ACOXL: variants seen among roughly 807,000 people sequenced by gnomAD.
The protein encoded by ACOXL is acyl-CoA oxidase like, also known as acyl-coenzyme A oxidase-like protein.
Under a neutral mutation model 71.9 loss-of-function variants are expected in ACOXL, and 70 were observed. That is an observed-to-expected ratio of 0.97 (90% CI 0.80 to 1.19). The LOEUF (loss-of-function observed/expected upper bound fraction) is 1.19, where lower values mean the gene tolerates loss of function less well. Among genes scored for constraint, ACOXL ranks in the 50% most tolerant of loss-of-function variants. The probability of loss-of-function intolerance (pLI) is 0.00; values close to 1 mark genes in which losing one functional copy is unlikely to be tolerated. For synonymous variants in ACOXL, 253 were observed against 281.6 expected (o/e 0.90, Z 1.02); for missense variants, 703 against 736.3 (o/e 0.95, Z 0.52).
In ACOXL at chr2:110,925,285, T is replaced by C. The variant is rs191510009; in HGVS notation, c.906-8204T>C. On this transcript the variant is annotated intron_variant, in intron 11 of 17. Transcript: ENST00000439055. ...TGCATTAGCCCCTAACAAGAGATTC[T>C]CTCTGTTCTTTGAAGTTTTGAAGTA... Among the ~76,000 whole-genome samples, 627 of 152,352 alleles carry C rather than the reference T, an allele frequency of 4.1e-3. 3 individuals are homozygous for C. The highest frequency in any genetic ancestry group is 0.01 in the South Asian group (50 of 4,822).
intron 16 of ACOXL, among the ~76,000 whole-genome samples, chr2:111,064,697 G>A (rs1325616022): frequency 6.6e-6 from 1 of 152,146 alleles, no homozygotes; most frequent in Non-Finnish European, 1.5e-5. Flanking sequence ...CGTGGATATG[G>A]AGGACTGACT....
intron 15 of ACOXL, among the ~76,000 whole-genome samples, chr2:111,041,525 G>A (rs896801023): frequency 1.3e-5 from 2 of 152,158 alleles, no homozygotes; most frequent in African/African-American, 4.8e-5. Context: ...GCCGGGCCAT[G>A]GGGAGGCTCA....
intron 17 of ACOXL, among the ~76,000 whole-genome samples, chr2:111,108,197 G>A (rs1049861180): frequency 9.9e-5 from 15 of 152,008 alleles, no homozygotes; most frequent in African/African-American, 3.4e-4. Context: ...GGTGCTGAAA[G>A]TTACCCTTTA....
chr2:111,063,452 G>A (rs973182948), intron 16 of ACOXL, among the ~76,000 whole-genome samples: 3 of 152,054 alleles, frequency 2.0e-5, no homozygotes, highest in Admixed American at 6.5e-5. Context: ...CTCTGAAGAC[G>A]CAAGGCTGGT....
intron 9 of ACOXL, among the ~76,000 whole-genome samples, chr2:110,833,477 G>GAA (rs1690086879): frequency 2.1e-4 from 32 of 152,116 alleles, no homozygotes; most frequent in Admixed American, 2.1e-3. Context: ...GGATGCTTGC[G>GAA]GGGATGGAGA....
At chr2:110,833,670 TA>T (rs994463259) in intron 9 of ACOXL, among the ~76,000 whole-genome samples, 1 of 152,210 alleles carries the variant, frequency 6.6e-6, no homozygotes, top group Non-Finnish European at 1.5e-5. Flanking sequence ...CAGCCTGATT[TA>T]AAAAAACTGT....
At chr2:110,937,248 C>T (rs1258833987) in intron 12 of ACOXL, among the ~76,000 whole-genome samples, 1 of 152,080 alleles carries the variant, frequency 6.6e-6, no homozygotes, top group African/African-American at 2.4e-5. Context: ...AGAAGCTGAC[C>T]AGGAGCCCAC....
At position 110,795,122 on chromosome 2, in the gene ACOXL, C is replaced by T. The variant is rs963666524; in HGVS notation, c.345+948C>T. 5.3e-5 allele frequency among the ~76,000 whole-genome samples: 8 copies of T among 152,266 alleles called. No homozygotes were observed. The South Asian group carries it at 6.2e-4, about 12-fold the overall frequency. On this transcript the variant is annotated intron_variant, in intron 5 of 17. Transcript: ENST00000439055. The stretch of plus-strand genomic sequence containing the variant: ...GCAAGCACGTGCCCGAGCGTGGCTG[C>T]GGGTGCTGCCTGGCCGTGTGGCTGC...
At chr2:111,012,190 G>A (rs1269754435) in intron 14 of ACOXL, among the ~76,000 whole-genome samples, 1 of 152,210 alleles carries the variant, frequency 6.6e-6, no homozygotes, top group Non-Finnish European at 1.5e-5. Context: ...TGGGAACACT[G>A]TGTTAAACTG....
chr2:110,920,547 G>C (rs1349460773), intron 11 of ACOXL, among the ~76,000 whole-genome samples: 1 of 152,100 alleles, frequency 6.6e-6, no homozygotes, highest in Non-Finnish European at 1.5e-5. Flanking sequence ...TCTTAAGAGT[G>C]CCTTAATAAG....
chr2:110,872,182 G>A (rs1220290678), intron 10 of ACOXL, among the ~76,000 whole-genome samples: 1 of 152,144 alleles, frequency 6.6e-6, no homozygotes, highest in African/African-American at 2.4e-5. Flanking sequence ...GTAGTCCCTG[G>A]GTGCCAAGAA....
intron 5 of ACOXL, among the ~76,000 whole-genome samples, chr2:110,796,389 A>G (rs939329308): frequency 2.6e-5 from 4 of 152,260 alleles, no homozygotes; most frequent in Non-Finnish European, 1.5e-5. Context: ...GCTGGCCTTC[A>G]AACAAATAAT....
chr2:110,796,126 A>C (rs895500538), intron 5 of ACOXL: 6 of 151,848 alleles, frequency 4.0e-5, no homozygotes, highest in African/African-American at 7.2e-5. Flanking sequence ...TCCCTTTCAA[A>C]ATGCTAGAGC....
intron 10 of ACOXL, among the ~76,000 whole-genome samples, chr2:110,897,070 A>G (rs1290795573): frequency 6.6e-6 from 1 of 152,184 alleles, no homozygotes; most frequent in Non-Finnish European, 1.5e-5. Context: ...CTTTGTAACA[A>G]AGATAACAGG....
intron 17 of ACOXL, among the ~76,000 whole-genome samples, chr2:111,104,857 G>A (rs1300707761): frequency 6.6e-6 from 1 of 151,766 alleles, no homozygotes; most frequent in East Asian, 1.9e-4. Context: ...TCCTTTTATG[G>A]ACTGTAATGT....
rs1688813907 is a variant in ACOXL, at chr2:110,823,194, A to G, written c.753+17799A>G. The stretch of plus-strand genomic sequence containing the variant: ...CTTGAACCTGGGAGGTGGAGGTTGC[A>G]GTGAGCCAAGATGGTGCCATTGCAC... On this transcript the variant is annotated intron_variant, in intron 9 of 17. Transcript: ENST00000439055. Among the ~76,000 whole-genome samples the G allele has an allele frequency of 2.6e-5, 4 of 151,828 alleles. No individual in the cohort carries two copies. The East Asian group carries it at 7.7e-4, about 29-fold the overall frequency.
intron 15 of ACOXL, among the ~76,000 whole-genome samples, chr2:111,039,262 G>A (rs958874760): frequency 2.0e-5 from 3 of 152,212 alleles, no homozygotes; most frequent in Admixed American, 6.5e-5. Context: ...GATCACAAGT[G>A]CCAGGAGGAA....
At position 110,933,785 on chromosome 2, in the gene ACOXL, C is replaced by T. The variant is rs35455571; in HGVS notation, c.1059+143C>T. The T allele has an allele frequency of 5.8e-3, 6,105 of 1,056,008 alleles. 253 individuals carry two copies. In the African/African-American group the frequency reaches 0.086, roughly 15 times the overall value. The allele number at this position is 1,056,008 out of a possible 1,614,324, so 65.4% of individuals were successfully genotyped here. A position where few individuals can be genotyped will look rare whatever the true frequency, so the allele number is the denominator to read the frequency against. The stretch of plus-strand genomic sequence containing the variant: ...GACTCTGGGTTCCTTCCTTACCAGC[C>T]TCATAGTCTTGTGTGTCTCCATCAT... On this transcript the variant is annotated intron_variant, in intron 12 of 17. Transcript: ENST00000439055.
rs956865911 is a variant in ACOXL, at chr2:110,938,695, GAATGAACGAATA to G, written c.1059+5060_1059+5071del. On this transcript the variant is annotated intron_variant, in intron 12 of 17. Transcript: ENST00000439055. Reference sequence around the variant, plus strand: ...ACAGACATTGAATGAATGAATGAATGAATGAACGAATAAATGAATGAATGAATGAATGAAAGA... The same window carrying G: ...ACAGACATTGAATGAATGAATGAATGAATGAATGAATGAATGAATGAAAGA... Among the ~76,000 whole-genome samples, 10 of 149,054 alleles carry G rather than the reference GAATGAACGAATA, an allele frequency of 6.7e-5. No homozygotes were observed. The East Asian group carries it at 1.1e-3, about 16-fold the overall frequency.
Sources: allele counts gnomAD v4.1 joint callset (sites outside exome capture counted in the v4.1 genomes callset), GRCh38; gene constraint gnomAD v4.1.1; transcripts MANE v1.5; gene names NCBI Gene and HGNC (gene_info 2026-07-23, HGNC 2026-07-21).